Variants in UNC79 observed in about 807,000 individuals in gnomAD.
UNC79 encodes the protein protein unc-79 homolog.
A neutral mutation model predicts 283.1 loss-of-function variants in UNC79; 37 were observed. The ratio of observed to expected loss-of-function variants is 0.13; its 90% CI spans 0.10 to 0.17. The LOEUF is 0.17. Ranked by LOEUF, UNC79 falls within the 10% of genes least tolerant of loss-of-function variation. UNC79 has a pLI of 1.00. For missense variants in UNC79, 2,272 were observed against 3,211.1 expected, an observed-to-expected ratio of 0.71 and a Z score of 7.07; for synonymous variants, 1,107 against 1,200.2, an observed-to-expected ratio of 0.92 and a Z score of 1.61.
chr14:93,350,833 G>T (rs2053968086), intron 1 of UNC79, among the ~76,000 whole-genome samples: 1 of 151,154 alleles, frequency 6.6e-6, no homozygotes. Context: ...GAAATTTTTT[G>T]CCTCTAGTTC....
At chr14:93,355,544 G>C (rs2054069243) in intron 1 of UNC79, among the ~76,000 whole-genome samples, 1 of 152,094 alleles carries the variant, frequency 6.6e-6, no homozygotes, top group Non-Finnish European at 1.5e-5. Context: ...TGTTGGCCAG[G>C]GTGGTCTCGA....
rs371777761 is a variant in UNC79 at position 93,648,841 on chromosome 14, A to G, written c.6083+2195A>G. Among the ~76,000 whole-genome samples, 12 of 152,334 alleles carry G rather than the reference A, an allele frequency of 7.9e-5. No homozygotes were observed. In the South Asian group the frequency reaches 2.1e-3, roughly 26 times the overall value. On this transcript the variant is annotated intron_variant, in intron 35 of 48. Coordinates refer to ENST00000555664, the Ensembl canonical transcript of UNC79. The stretch of plus-strand genomic sequence containing the variant: ...AATATAACCACAGCACAGAGATGCA[A>G]GCACTTGCTGAGTTTGACTTACCAG...
At chr14:93,484,488 T>C (rs2058310524) in intron 4 of UNC79, among the ~76,000 whole-genome samples, 1 of 152,204 alleles carries the variant, frequency 6.6e-6, no homozygotes, top group South Asian at 2.1e-4. Flanking sequence ...AACTACAAAA[T>C]GCAGGAACAT....
chr14:93,540,188 G>A (rs58864252), intron 12 of UNC79, among the ~76,000 whole-genome samples: 4,245 of 152,184 alleles, frequency 0.028, 214 homozygotes, highest in African/African-American at 0.097. Flanking sequence ...TTTAGCAAAC[G>A]GAAAAAAGAA....
intron 1 of UNC79, among the ~76,000 whole-genome samples, chr14:93,345,091 G>A (rs985099965): frequency 5.3e-5 from 8 of 152,122 alleles, no homozygotes; most frequent in African/African-American, 1.9e-4. Flanking sequence ...TCATGAATAG[G>A]ATTAGTACCC....
At chr14:93,696,935 G>A (rs2075176254) in intron 47 of UNC79, among the ~76,000 whole-genome samples, 1 of 152,062 alleles carries the variant, frequency 6.6e-6, no homozygotes, top group Non-Finnish European at 1.5e-5. Flanking sequence ...TCTATTTTGA[G>A]TTAACTTTTG....
At chr14:93,490,527 G>A (rs2058673200) in intron 5 of UNC79, among the ~76,000 whole-genome samples, 1 of 152,084 alleles carries the variant, frequency 6.6e-6, no homozygotes. Context: ...TCACTCACAA[G>A]TTCTACCATC....
chr14:93,410,647 G>A lies in UNC79; in HGVS notation c.-350-57024G>A, dbSNP rs1267547924. ...TCAGCCACAGTAGAATAGGACAATG[G>A]TCAAAGTAATGAGGCCCCCTTTCTA... On this transcript the variant is annotated intron_variant, in intron 1 of 49. Transcript: ENST00000256339. Among the ~76,000 whole-genome samples, 5 of 152,090 alleles carry A rather than the reference G, an allele frequency of 3.3e-5. No individual in the cohort carries two copies. In the East Asian group the frequency reaches 5.8e-4, roughly 18 times the overall value.
At chr14:93,444,230 T>C (rs1035963330) in intron 1 of UNC79, among the ~76,000 whole-genome samples, 20 of 152,206 alleles carry the variant, frequency 1.3e-4, no homozygotes, top group African/African-American at 4.8e-4. Context: ...GCCAATTGAC[T>C]ATTTGTATAT....
At chr14:93,561,779 A>G (rs757227355) in intron 14 of UNC79, among the ~76,000 whole-genome samples, 3 of 152,168 alleles carry the variant, frequency 2.0e-5, no homozygotes, top group African/African-American at 2.4e-5. Flanking sequence ...CGGTTTGGGG[A>G]TAGCACCAGG....
chr14:93,672,178 C>T (rs2072934140), intron 40 of UNC79, among the ~76,000 whole-genome samples: 1 of 152,142 alleles, frequency 6.6e-6, no homozygotes, highest in African/African-American at 2.4e-5. Context: ...AATGTGACTA[C>T]TTGGTATTTA....
chr14:93,650,967 G>C (rs2070185060), intron 35 of UNC79, among the ~76,000 whole-genome samples: 1 of 150,602 alleles, frequency 6.6e-6, no homozygotes, highest in Non-Finnish European at 1.5e-5. Flanking sequence ...TTTATGTATG[G>C]TGTGAGGCAG....
intron 37 of UNC79, among the ~76,000 whole-genome samples, chr14:93,654,705 A>G (rs773542517): frequency 6.6e-6 from 1 of 152,216 alleles, no homozygotes; most frequent in African/African-American, 2.4e-5. Flanking sequence ...TTTACTCTTC[A>G]TTGAAAACTT....
At chr14:93,495,584 G>A (rs1382942754) in intron 5 of UNC79, among the ~76,000 whole-genome samples, 1 of 152,180 alleles carries the variant, frequency 6.6e-6, no homozygotes, top group Non-Finnish European at 1.5e-5. Flanking sequence ...CACAGGTGAC[G>A]GGAGGGTCAT....
At chr14:93,654,922 C>G (rs956839636) in intron 37 of UNC79, among the ~76,000 whole-genome samples, 8 of 152,220 alleles carry the variant, frequency 5.3e-5, no homozygotes, top group Non-Finnish European at 1.0e-4. Flanking sequence ...TATGCTCAGT[C>G]TTTGTGCTGG....
chr14:93,363,243 ATTGT>A (rs1317391658), intron 1 of UNC79, among the ~76,000 whole-genome samples: 1 of 151,980 alleles, frequency 6.6e-6, no homozygotes, highest in Non-Finnish European at 1.5e-5. Flanking sequence ...TCAGGAGGAG[ATTGT>A]TTAATTTTCG....
intron 26 of UNC79, among the ~76,000 whole-genome samples, chr14:93,606,789 A>G (rs971883459): frequency 6.6e-6 from 1 of 152,214 alleles, no homozygotes; most frequent in African/African-American, 2.4e-5. Context: ...TTTTCTATAG[A>G]AAGTATACTC....
At chr14:93,630,812 A>G (rs773829715) in exon 31 of UNC79, 2 of 1,613,630 alleles carry the variant, frequency 1.2e-6, no homozygotes, top group Admixed American at 1.7e-5. Flanking sequence ...TCCTTCTACT[A>G]AAGGACTTTC....
At chr14:93,572,920 T>C in intron 16 of UNC79, 104 bp downstream of exon 16, 2 of 1,453,860 alleles carry the variant, frequency 1.4e-6, no homozygotes, top group Non-Finnish European at 1.8e-6. Context: ...ACTTCGTAAG[T>C]CCCCATGTTT....
Sources: allele counts gnomAD v4.1 joint callset (sites outside exome capture counted in the v4.1 genomes callset), GRCh38; gene constraint gnomAD v4.1.1; transcripts MANE v1.5; gene names NCBI Gene and HGNC (gene_info 2026-07-23, HGNC 2026-07-21).